IL1RAPL1: variants seen among roughly 807,000 people sequenced by gnomAD.
IL1RAPL1 encodes interleukin-1 receptor accessory protein-like 1.
In IL1RAPL1, 3 loss-of-function variants were observed where a neutral mutation model predicts 48.4. The observed-to-expected ratio is 0.06, with a 90% CI of 0.03 to 0.16. IL1RAPL1 has a LOEUF of 0.16. Among genes scored for constraint, IL1RAPL1 ranks in the 10% least tolerant of loss-of-function variants. IL1RAPL1 has a pLI of 1.00. For missense variants in IL1RAPL1, 349 were observed against 530.6 expected, an observed-to-expected ratio of 0.66 and a Z score of 3.36; for synonymous variants, 185 against 187.7, an observed-to-expected ratio of 0.99 and a Z score of 0.12.
chrX:29,844,890 T>C (rs1001905078), intron 6 of IL1RAPL1, among the ~76,000 whole-genome samples: 2 of 112,048 alleles, frequency 1.8e-5, no homozygotes, highest in Non-Finnish European at 3.8e-5. Context: ...CTAAATTGAA[T>C]TATAAGTGTC....
At chrX:29,266,111 A>G (rs1044398135) in intron 2 of IL1RAPL1, among the ~76,000 whole-genome samples, 1 of 111,172 alleles carries the variant, frequency 9.0e-6, no homozygotes, top group Non-Finnish European at 1.9e-5. Flanking sequence ...CCATCCCATT[A>G]CTGGGTATAT....
chrX:29,399,745 C>T (rs925877274), intron 5 of IL1RAPL1, among the ~76,000 whole-genome samples: 4 of 108,169 alleles, frequency 3.7e-5, no homozygotes, highest in Admixed American at 1.0e-4. Context: ...CTCGAACCCA[C>T]GAGGCAGAGG....
chrX:29,010,562 G>C (rs1926099707), intron 2 of IL1RAPL1, among the ~76,000 whole-genome samples: 1 of 111,961 alleles, frequency 8.9e-6, no homozygotes, highest in Admixed American at 9.5e-5. Context: ...CAAACATATA[G>C]AGTTGCAGTT....
In IL1RAPL1 at chrX:29,623,969, A is replaced by G. The variant is rs750532140; in HGVS notation, c.704-44461A>G. On this transcript the variant is annotated intron_variant, in intron 5 of 10. Transcript: ENST00000378993. ...GGAGCTTGGACATATTAGGAAGTCA[A>G]TAAGAATACTGACAAACTGGCATGT... Among the ~76,000 whole-genome samples the G allele has an allele frequency of 4.3e-4, 48 of 112,066 alleles. No homozygotes were observed. The South Asian group carries it at 0.016, about 38-fold the overall frequency.
intron 5 of IL1RAPL1, among the ~76,000 whole-genome samples, chrX:29,538,338 CTTT>C (rs397896582): frequency 2.4e-5 from 2 of 83,612 alleles, no homozygotes; most frequent in Admixed American, 1.4e-4. Context: ...CTTTTCTTTT[CTTT>C]TTTTTTTTTT....
intron 2 of IL1RAPL1, among the ~76,000 whole-genome samples, chrX:29,236,385 CTT>C (rs1441597574): frequency 9.0e-6 from 1 of 110,516 alleles, no homozygotes; most frequent in Non-Finnish European, 1.9e-5. Flanking sequence ...ATTGAGCTCT[CTT>C]CTGGTTAGCG....
chrX:28,748,555 T>C (rs190670876), intron 1 of IL1RAPL1, among the ~76,000 whole-genome samples: 47 of 112,134 alleles, frequency 4.2e-4, no homozygotes, highest in Admixed American at 6.6e-4. Flanking sequence ...AATATTAATA[T>C]AAATATAAAA....
intron 2 of IL1RAPL1, among the ~76,000 whole-genome samples, chrX:29,133,218 C>A (rs754730749): frequency 1.8e-5 from 2 of 111,510 alleles, no homozygotes; most frequent in Non-Finnish European, 3.8e-5. Flanking sequence ...GAATTCCAGG[C>A]TTTTAAGTTA....
At chrX:29,498,550 C>CT (rs1211126667) in intron 5 of IL1RAPL1, among the ~76,000 whole-genome samples, 6 of 107,568 alleles carry the variant, frequency 5.6e-5, no homozygotes, top group Non-Finnish European at 7.7e-5. Flanking sequence ...CAATTGTTTT[C>CT]TTTTTTTTTG....
At chrX:29,656,072 T>C (rs1198123647) in intron 5 of IL1RAPL1, among the ~76,000 whole-genome samples, 2 of 112,698 alleles carry the variant, frequency 1.8e-5, no homozygotes, top group Non-Finnish European at 3.7e-5. Context: ...GATTGATATA[T>C]TGCATGGGCT....
At chrX:29,897,670 A>G (rs1199563450) in intron 6 of IL1RAPL1, among the ~76,000 whole-genome samples, 1 of 112,024 alleles carries the variant, frequency 8.9e-6, no homozygotes, top group Non-Finnish European at 1.9e-5. Flanking sequence ...GGGGAAGCTC[A>G]CGGTCTTTAA....
At chrX:29,885,342 T>A (rs189189913) in intron 6 of IL1RAPL1, among the ~76,000 whole-genome samples, 74 of 112,058 alleles carry the variant, frequency 6.6e-4, no homozygotes, top group African/African-American at 2.3e-3. Flanking sequence ...CTTATCACCT[T>A]TGAACAGATT....
chrX:29,272,714 G>A (rs1932062110), intron 2 of IL1RAPL1, among the ~76,000 whole-genome samples: 1 of 111,670 alleles, frequency 9.0e-6, no homozygotes, highest in African/African-American at 3.3e-5. Flanking sequence ...GCAAGGTTAG[G>A]GAAACTTTCA....
At chrX:28,865,227 C>T (rs1489070311) in intron 2 of IL1RAPL1, among the ~76,000 whole-genome samples, 1 of 111,017 alleles carries the variant, frequency 9.0e-6, no homozygotes, top group Non-Finnish European at 1.9e-5. Flanking sequence ...CACCTGAGGT[C>T]AGAAGTTCGA....
At chrX:29,063,111 A>G (rs1175004657) in intron 2 of IL1RAPL1, among the ~76,000 whole-genome samples, 1 of 111,413 alleles carries the variant, frequency 9.0e-6, no homozygotes, top group Non-Finnish European at 1.9e-5. Context: ...CCCAGTACCG[A>G]CTTAGCCTTT....
At chrX:29,099,420 G>C (rs1928285751) in intron 2 of IL1RAPL1, among the ~76,000 whole-genome samples, 1 of 111,689 alleles carries the variant, frequency 9.0e-6, no homozygotes, top group Admixed American at 9.5e-5. Flanking sequence ...TTTACTATTT[G>C]ACAAACAGTG....
chrX:29,148,386 C>G (rs1275462769), intron 2 of IL1RAPL1, among the ~76,000 whole-genome samples: 1 of 111,758 alleles, frequency 8.9e-6, no homozygotes, highest in Non-Finnish European at 1.9e-5. Context: ...AATGAACTCA[C>G]TGTTACTGCC....
chrX:29,092,333 C>T (rs927983870), intron 2 of IL1RAPL1, among the ~76,000 whole-genome samples: 9 of 111,660 alleles, frequency 8.1e-5, no homozygotes, highest in Non-Finnish European at 1.3e-4. Context: ...CATTTGAAAG[C>T]AGAATTAAGT....
intron 2 of IL1RAPL1, among the ~76,000 whole-genome samples, chrX:28,856,279 C>G (rs184768259): frequency 2.2e-4 from 24 of 111,293 alleles, no homozygotes; most frequent in African/African-American, 7.2e-4. Context: ...AGGTAGAATT[C>G]AATGTTTACT....
Sources: allele counts gnomAD v4.1 joint callset (sites outside exome capture counted in the v4.1 genomes callset), GRCh38; gene constraint gnomAD v4.1.1; transcripts MANE v1.5; gene names NCBI Gene and HGNC (gene_info 2026-07-23, HGNC 2026-07-21).